The following SRGAP3 variants were observed in gnomAD, a reference collection of about 807,000 sequenced individuals.
SRGAP3 encodes SLIT-ROBO Rho GTPase-activating protein 3.
In SRGAP3, 39 loss-of-function variants were observed where a neutral mutation model predicts 121.1. That is an observed-to-expected ratio of 0.32 (90% CI 0.25 to 0.42). SRGAP3 has a LOEUF of 0.42. SRGAP3 is among the 10% of genes least tolerant of loss of function. SRGAP3 has a pLI of 1.00. For missense variants in SRGAP3, 1,213 were observed against 1,470.6 expected (o/e 0.82, Z 2.86); for synonymous variants, 601 against 570.0 (o/e 1.05, Z -0.77).
intron 1 of SRGAP3, among the ~76,000 whole-genome samples, chr3:9,176,000 C>A (rs1951166591): frequency 2.6e-5 from 4 of 152,178 alleles, no homozygotes; most frequent in Admixed American, 2.6e-4. Flanking sequence ...CGGCTCACTG[C>A]AAACTCCGCC....
intron 1 of SRGAP3, among the ~76,000 whole-genome samples, chr3:9,207,265 C>T (rs76991535): frequency 0.025 from 3,788 of 152,236 alleles, 67 homozygotes; most frequent in Non-Finnish European, 0.042. Context: ...TCCTGCAAGC[C>T]GGTTTTATAA....
chr3:9,044,363 T>A (rs182018921), intron 10 of SRGAP3, among the ~76,000 whole-genome samples: 28 of 152,298 alleles, frequency 1.8e-4, no homozygotes, highest in African/African-American at 5.3e-4. Flanking sequence ...GGGTACCATA[T>A]CCAGAGTGGA....
chr3:9,059,278 C>G, intron 6 of SRGAP3: 1 of 152,360 alleles, frequency 6.6e-6, no homozygotes. Flanking sequence ...CCTCAAGTTC[C>G]AGACAACAGC....
At chr3:8,989,079 AC>A (rs1941893011) in intron 21 of SRGAP3, among the ~76,000 whole-genome samples, 1 of 152,244 alleles carries the variant, frequency 6.6e-6, no homozygotes, top group Non-Finnish European at 1.5e-5. Context: ...TGACCACAGA[AC>A]ATGTATTCCC....
chr3:9,064,481 C>G lies in SRGAP3; in HGVS notation c.587G>C (p.Gly196Ala). 1 of 1,614,230 alleles carries G rather than the reference C, an allele frequency of 6.2e-7. No homozygotes were observed. Among genetic ancestry groups the G allele is most frequent in the Non-Finnish European group, 8.5e-7 (1 of 1,180,042 alleles). ...CCGGAGCAGGTTCATGCTGAGGTCT[C>G]CTGACTTATTGAACTGCTTCTCCTC... ...KQEEKQFNKS[G>A]DLSMNLLRHE... Residue 196 changes from glycine to alanine, a missense_variant, in exon 5 of 22, where the codon GGA becomes GCA. This residue lies in a region of SRGAP3 where 793 missense variants were observed against 1,032.9 expected (regional missense o/e 0.77). Transcript: ENST00000383836.
chr3:9,219,583 G>A (rs1460328393), intron 1 of SRGAP3: 8 of 152,202 alleles, frequency 5.3e-5, no homozygotes, highest in Admixed American at 4.6e-4. Flanking sequence ...CAGGGGCAGT[G>A]GCTCACACCT....
At chr3:9,175,770 G>A (rs1951156871) in intron 1 of SRGAP3, among the ~76,000 whole-genome samples, 2 of 152,202 alleles carry the variant, frequency 1.3e-5, no homozygotes, top group Admixed American at 1.3e-4. Flanking sequence ...ACCAGGTGTG[G>A]TCCTTGGGAT....
intron 3 of SRGAP3, among the ~76,000 whole-genome samples, chr3:9,259,675 T>C (rs1023891970): frequency 6.6e-6 from 1 of 152,126 alleles, no homozygotes; most frequent in Non-Finnish European, 1.5e-5. Context: ...TAGACCAACA[T>C]GTCTAAGAGA....
At chr3:9,031,286 A>C (rs1454948858) in intron 12 of SRGAP3, among the ~76,000 whole-genome samples, 1 of 152,168 alleles carries the variant, frequency 6.6e-6, no homozygotes, top group Non-Finnish European at 1.5e-5. Flanking sequence ...GCAAGGATGA[A>C]AGAAGAAAGT....
chr3:9,006,383 A>T (rs111377015), intron 18 of SRGAP3, among the ~76,000 whole-genome samples: 1 of 142,574 alleles, frequency 7.0e-6, no homozygotes, highest in African/African-American at 2.7e-5. Context: ...CTGGCAACAG[A>T]GCGAGACTCT....
At chr3:9,227,603 C>G (rs780972137) in intron 1 of SRGAP3, among the ~76,000 whole-genome samples, 1 of 152,240 alleles carries the variant, frequency 6.6e-6, no homozygotes, top group African/African-American at 2.4e-5. Flanking sequence ...AGTCCTTGGA[C>G]CACACTGTTT....
intron 1 of SRGAP3, among the ~76,000 whole-genome samples, chr3:9,200,459 A>G (rs1253947278): frequency 6.6e-6 from 1 of 152,242 alleles, no homozygotes; most frequent in Non-Finnish European, 1.5e-5. Flanking sequence ...ACAAAAGACC[A>G]TAGTAAATGT....
chr3:9,088,517 G>T lies in SRGAP3; in HGVS notation c.424-8430C>A, dbSNP rs374776656. 1.1e-4 allele frequency among the ~76,000 whole-genome samples: 17 copies of T among 152,258 alleles called. No homozygotes were observed. The East Asian group carries it at 2.3e-3, about 21-fold the overall frequency. The stretch of plus-strand genomic sequence containing the variant: ...TGTCCTGTGTATAGGATGTTTAGGA[G>T]CATCACTGGCCTCCACCCGTGAGAG... On this transcript the variant is annotated intron_variant, in intron 3 of 21. Transcript: ENST00000383836.
chr3:9,063,124 CTTTTTTTTTTTTT>C (rs766958753), intron 5 of SRGAP3, among the ~76,000 whole-genome samples: 1 of 79,982 alleles, frequency 1.3e-5, no homozygotes. Context: ...TAGAGACAAT[CTTTTTTTTTTTTT>C]TTTTTTTTTT....
intron 1 of SRGAP3, among the ~76,000 whole-genome samples, chr3:9,211,971 C>T (rs28689132): frequency 0.01 from 1,593 of 152,248 alleles, 33 homozygotes; most frequent in African/African-American, 0.037. Flanking sequence ...CCACCACTCC[C>T]GGCCTCAGCT....
Position 8,982,306 on chromosome 3 carries a change from T to C in SRGAP3, c.*3213A>G, listed in dbSNP as rs1196886848. The C allele has an allele frequency of 4.4e-6, 1 of 227,516 alleles. No homozygotes were observed. Among genetic ancestry groups the C allele is most frequent in the Non-Finnish European group, 8.7e-6 (1 of 114,336 alleles). The allele number at this position is 227,516 out of a possible 1,614,324, so 14.1% of individuals were successfully genotyped here. On this transcript the variant is annotated 3_prime_UTR_variant, in exon 22 of 22. Coordinates refer to ENST00000383836, the MANE Select transcript of SRGAP3 (RefSeq NM_014850.4). ...AGCAAAGAAAAAAAAATGCCCGTTG[T>C]CAACTAACTGATCAGTACGGCTTTC...
intron 3 of SRGAP3, among the ~76,000 whole-genome samples, chr3:9,273,855 T>C (rs1335058904): frequency 2.0e-5 from 3 of 152,132 alleles, no homozygotes; most frequent in Non-Finnish European, 4.4e-5. Flanking sequence ...GATTATTCTG[T>C]CTCCACTGAA....
chr3:9,056,541 C>T (rs73148011), intron 7 of SRGAP3, among the ~76,000 whole-genome samples: 32,260 of 152,170 alleles, frequency 0.21, 6,429 homozygotes, highest in African/African-American at 0.53. Context: ...ACTCAAAGTC[C>T]GCACTCTTGC....
chr3:9,223,273 G>T (rs1210755738), intron 1 of SRGAP3, among the ~76,000 whole-genome samples: 2 of 152,318 alleles, frequency 1.3e-5, no homozygotes, highest in South Asian at 4.1e-4. Context: ...GGCCCACAAA[G>T]CCTAAAATGT....
Sources: gnomAD v4.1 joint callset for allele counts (sites outside exome capture counted in the v4.1 genomes callset) on GRCh38, gnomAD v4.1.1 for gene constraint, gnomAD v4.1.1 regional missense constraint, MANE v1.5 for transcripts, NCBI Gene and HGNC (gene_info 2026-07-23, HGNC 2026-07-21) for gene names.